The following SLC39A10 variants were observed in gnomAD, a reference collection of about 807,000 sequenced individuals.
The protein encoded by SLC39A10 is solute carrier family 39 member 10.
Under a neutral mutation model 65.1 loss-of-function variants are expected in SLC39A10, and 13 were observed. The observed-to-expected ratio is 0.20, with a 90% CI of 0.13 to 0.32. The LOEUF (loss-of-function observed/expected upper bound fraction) is 0.32. Among genes scored for constraint, SLC39A10 ranks in the 10% least tolerant of loss-of-function variants. The pLI is 1.00. For missense variants in SLC39A10, 831 were observed against 1,018.4 expected (o/e 0.82, Z 2.50); for synonymous variants, 321 against 342.2 (o/e 0.94, Z 0.68).
Position 195,680,694 on chromosome 2 carries a change from A to T in SLC39A10, c.652A>T (p.Asn218Tyr). The T allele has an allele frequency of 6.2e-7, 1 of 1,614,136 alleles. No individual in the cohort carries two copies. The highest frequency in any genetic ancestry group is 2.2e-5 in the East Asian group (1 of 44,882). The change falls in exon 2 of 10, where the codon AAT (asparagine) becomes TAT (tyrosine). Residue 218 changes from asparagine (N) to tyrosine (Y), a missense_variant. Asn to Tyr is a moderately radical substitution (Grantham distance 143). Coordinates refer to ENST00000359634, the MANE Select transcript of SLC39A10 (RefSeq NM_020342.3). ...TAGCAATGAACCTTCAACAGAGACC[A>T]ATAAAACCCAGGAACAATCTGATGT... ...EPSNEPSTET[N>Y]KTQEQSDVKL...
chr2:195,686,226 A>C (rs935417055), intron 3 of SLC39A10, among the ~76,000 whole-genome samples: 3 of 152,234 alleles, frequency 2.0e-5, no homozygotes, highest in Non-Finnish European at 4.4e-5. Flanking sequence ...ATTCCAATGT[A>C]TAAGAATTTT....
At chr2:195,699,971 C>G (rs1691113318) in intron 3 of SLC39A10, among the ~76,000 whole-genome samples, 1 of 152,016 alleles carries the variant, frequency 6.6e-6, no homozygotes, top group Admixed American at 6.6e-5. Flanking sequence ...TGTTTTATCG[C>G]TGTCCTTCCT....
chr2:195,696,446 C>T (rs1172453755), intron 3 of SLC39A10, among the ~76,000 whole-genome samples: 1 of 151,882 alleles, frequency 6.6e-6, no homozygotes, highest in African/African-American at 2.4e-5. Context: ...TCTGCATGTG[C>T]AGATTCAACC....
At chr2:195,663,004 G>T (rs1689467388) in intron 1 of SLC39A10, among the ~76,000 whole-genome samples, 1 of 151,940 alleles carries the variant, frequency 6.6e-6, no homozygotes, top group African/African-American at 2.4e-5. Context: ...GCTTTATTAT[G>T]CTTGGAGTCG....
upstream of SLC39A10, among the ~76,000 whole-genome samples, chr2:195,652,783 T>A (rs1689066385): frequency 6.6e-6 from 1 of 152,112 alleles, no homozygotes; most frequent in African/African-American, 2.4e-5. Flanking sequence ...CTAGACTGGT[T>A]CGGGTGCATG....
intron 1 of SLC39A10, among the ~76,000 whole-genome samples, chr2:195,669,285 T>A (rs1054175556): frequency 3.3e-5 from 5 of 152,162 alleles, no homozygotes; most frequent in African/African-American, 1.2e-4. Context: ...TTGTAGTATA[T>A]TTTAGATGAC....
At chr2:195,638,399 A>T (rs1007737701) in intron 2 of SLC39A10, among the ~76,000 whole-genome samples, 2 of 151,758 alleles carry the variant, frequency 1.3e-5, no homozygotes, top group Non-Finnish European at 2.9e-5. Context: ...GAGTGCAGTG[A>T]TGCAATCTGG....
chr2:195,686,787 A>G (rs1005065284), intron 3 of SLC39A10, among the ~76,000 whole-genome samples: 1 of 152,204 alleles, frequency 6.6e-6, no homozygotes, highest in African/African-American at 2.4e-5. Context: ...CTTCTACAAC[A>G]TATAATCATA....
intron 3 of SLC39A10, among the ~76,000 whole-genome samples, chr2:195,684,359 A>G (rs532959115): frequency 1.3e-5 from 2 of 152,256 alleles, no homozygotes; most frequent in South Asian, 2.1e-4. Flanking sequence ...GGAAATGCCT[A>G]ACAAACTTGA....
chr2:195,707,135 G>C (rs537122101), intron 4 of SLC39A10, among the ~76,000 whole-genome samples: 2 of 152,298 alleles, frequency 1.3e-5, no homozygotes, highest in South Asian at 4.2e-4. Flanking sequence ...TAGGTGGTAT[G>C]CCATCAGCAT....
intron 3 of SLC39A10, among the ~76,000 whole-genome samples, chr2:195,699,998 T>A (rs1351957675): frequency 6.6e-6 from 1 of 152,190 alleles, no homozygotes; most frequent in Non-Finnish European, 1.5e-5. Flanking sequence ...TTGTAACCTT[T>A]TTTGATTTAA....
chr2:195,669,455 A>C (rs1689762221), intron 1 of SLC39A10, among the ~76,000 whole-genome samples: 3 of 152,192 alleles, frequency 2.0e-5, no homozygotes. Flanking sequence ...TTCCTTGTAC[A>C]TAACATTATT....
At chr2:195,639,453 A>T (rs1256221559) in intron 2 of SLC39A10, among the ~76,000 whole-genome samples, 1 of 152,198 alleles carries the variant, frequency 6.6e-6, no homozygotes, top group Non-Finnish European at 1.5e-5. Context: ...TGGCTGAGTT[A>T]GCATTTGTCA....
rs951640278 is a variant in SLC39A10, at chr2:195,622,049, A to G, written c.-12+15816A>G. On this transcript the variant is annotated intron_variant, in intron 2 of 2. Transcript: ENST00000458054. ...CACATCATGTCTTGCTATTGTGCCT[A>G]TCATTGTACTTTTTTAAGAAAACAA... is the stretch of plus-strand genomic sequence containing the variant. Among the ~76,000 whole-genome samples the G allele has an allele frequency of 2.6e-5, 4 of 152,276 alleles. 1 individual carries two copies. In the South Asian group the frequency reaches 6.2e-4, roughly 24 times the overall value.
intron 8 of SLC39A10, among the ~76,000 whole-genome samples, chr2:195,724,517 A>G (rs570140754): frequency 6.6e-6 from 1 of 152,342 alleles, no homozygotes; most frequent in South Asian, 2.1e-4. Context: ...ATAAGTATAC[A>G]AAAATCATTT....
intron 3 of SLC39A10, among the ~76,000 whole-genome samples, chr2:195,704,947 A>G (rs1028369108): frequency 1.8e-4 from 27 of 152,006 alleles, no homozygotes; most frequent in African/African-American, 6.0e-4. Flanking sequence ...ACAGGCATGT[A>G]CCACCGCGCT....
At chr2:195,704,917 C>A (rs965774626) in intron 3 of SLC39A10, among the ~76,000 whole-genome samples, 2 of 152,148 alleles carry the variant, frequency 1.3e-5, no homozygotes, top group Non-Finnish European at 2.9e-5. Context: ...TCCACCTCAG[C>A]TTCCCAAGTA....
rs952943058 is a variant in SLC39A10 at position 195,651,281 on chromosome 2, C to T, written c.-11-28751C>T. 4.6e-5 allele frequency among the ~76,000 whole-genome samples: 7 copies of T among 151,962 alleles called. 1 individual carries two copies. The South Asian group carries it at 6.2e-4, about 14-fold the overall frequency. ...TTCCCCATTCTGACAGTGTGTTTGC[C>T]GTGTTAGATGTTACACAGTGCCACA... On this transcript the variant is annotated intron_variant, in intron 2 of 2. Transcript: ENST00000458054.
chr2:195,617,960 C>G (rs931034656), intron 2 of SLC39A10, among the ~76,000 whole-genome samples: 1 of 148,628 alleles, frequency 6.7e-6, no homozygotes, highest in African/African-American at 2.5e-5. Context: ...AGGATGGTCT[C>G]AATCTCCAGA....
Sources: gnomAD v4.1 joint callset for allele counts (sites outside exome capture counted in the v4.1 genomes callset) on GRCh38, gnomAD v4.1.1 for gene constraint, MANE v1.5 for transcripts, NCBI Gene and HGNC (gene_info 2026-07-23, HGNC 2026-07-21) for gene names.